RBFOX1: variants seen among roughly 807,000 people sequenced by gnomAD.
RBFOX1 encodes RNA binding protein fox-1 homolog 1.
RBFOX1 carries 8 observed loss-of-function variants against 57.7 expected under a neutral mutation model. The observed-to-expected ratio is 0.14, with a 90% confidence interval of 0.08 to 0.25. RBFOX1 has a LOEUF of 0.25. Among genes scored for constraint, RBFOX1 ranks in the 10% least tolerant of loss-of-function variants. The probability of loss-of-function intolerance (pLI) is 1.00; values close to 1 mark genes in which losing one functional copy is unlikely to be tolerated. For missense variants in RBFOX1, 611 were observed against 548.5 expected (o/e 1.11, Z -1.14); for synonymous variants, 326 against 222.4 (o/e 1.47, Z -4.15).
chr16:5,421,321 T>C (rs1010017653), intron 1 of RBFOX1, among the ~76,000 whole-genome samples: 1 of 152,146 alleles, frequency 6.6e-6, no homozygotes, highest in African/African-American at 2.4e-5. Context: ...TCCACCTTCT[T>C]CTTAAATGAA....
At chr16:7,341,693 ACCTT>A (rs777842492) in intron 4 of RBFOX1, among the ~76,000 whole-genome samples, 41 of 144,702 alleles carry the variant, frequency 2.8e-4, no homozygotes, top group South Asian at 9.3e-4. Context: ...CAATGGTCCT[ACCTT>A]CCTTCCTTCC....
intron 2 of RBFOX1, among the ~76,000 whole-genome samples, chr16:6,567,742 C>T (rs531625256): frequency 6.6e-6 from 1 of 152,170 alleles, no homozygotes; most frequent in East Asian, 1.9e-4. Flanking sequence ...CTCAGGGCCA[C>T]ATTTTTGAGT....
At chr16:5,993,115 C>G (rs1040252677) in intron 4 of RBFOX1, among the ~76,000 whole-genome samples, 1 of 152,106 alleles carries the variant, frequency 6.6e-6, no homozygotes, top group Non-Finnish European at 1.5e-5. Context: ...GAAAGAGATA[C>G]GGAACAAGCC....
At chr16:7,010,028 TTAAGAAAAAAAAAATGCACTCAA>T (rs2093574420) in intron 3 of RBFOX1, among the ~76,000 whole-genome samples, 1 of 135,546 alleles carries the variant, frequency 7.4e-6, no homozygotes, top group Admixed American at 7.2e-5. Flanking sequence ...CAGAGAACTC[TTAAGAAAAAAAAAATGCACTCAA>T]GAGGCCCTGG....
chr16:7,261,846 T>C (rs1487437199), intron 4 of RBFOX1, among the ~76,000 whole-genome samples: 1 of 152,204 alleles, frequency 6.6e-6, no homozygotes, highest in African/African-American at 2.4e-5. Context: ...CCCCAAAGTC[T>C]TGGATTCATT....
In RBFOX1 at chr16:6,882,691, A is replaced by G. The variant is rs542076897; in HGVS notation, c.-15-169366A>G. Among the ~76,000 whole-genome samples the G allele has an allele frequency of 1.6e-4, 25 of 152,278 alleles. 1 individual carries two copies. In the South Asian group the frequency reaches 5.2e-3, roughly 32 times the overall value. On this transcript the variant is annotated intron_variant, in intron 3 of 15. Coordinates refer to ENST00000550418, the MANE Select transcript of RBFOX1 (RefSeq NM_018723.4). ...GTACCCATTGGCTGTATGGATAACA[A>G]CCATTCAGTTTGGGATATTTGGAGT...
chr16:5,612,124 C>G (rs1413305713), intron 3 of RBFOX1, among the ~76,000 whole-genome samples: 1 of 150,066 alleles, frequency 6.7e-6, no homozygotes, highest in Non-Finnish European at 1.5e-5. Flanking sequence ...TTCATCTACT[C>G]TCCCATAATT....
At chr16:6,073,208 G>C (rs1376731) in intron 1 of RBFOX1, among the ~76,000 whole-genome samples, 141,448 of 152,136 alleles carry the variant, frequency 0.93, 65,835 homozygotes, top group African/African-American at 0.97. Context: ...CTACTCCACT[G>C]ACTTCCAGGG....
intron 11 of RBFOX1, among the ~76,000 whole-genome samples, chr16:7,634,062 G>A (rs763158127): frequency 7.2e-5 from 11 of 152,068 alleles, no homozygotes; most frequent in Admixed American, 1.3e-4. Context: ...CAACAGTTTC[G>A]ATTTGCACAG....
In RBFOX1 at chr16:7,437,593, G is replaced by A. The variant is rs749528604; in HGVS notation, c.28-80554G>A. 5.3e-5 allele frequency among the ~76,000 whole-genome samples: 8 copies of A among 152,132 alleles called. 1 individual carries two copies. The highest frequency in any genetic ancestry group is 1.9e-4 in the East Asian group (1 of 5,186). ...TGTATTTGCAATGAAACTGCTCCCCGGCAACATAAAAATGGCTTTTATAAC... is the reference window on the plus strand; with the variant it reads ...TGTATTTGCAATGAAACTGCTCCCCAGCAACATAAAAATGGCTTTTATAAC... On this transcript the variant is annotated intron_variant, in intron 4 of 15. Transcript: ENST00000550418.
At chr16:5,670,944 C>A (rs1356127262) in intron 3 of RBFOX1, among the ~76,000 whole-genome samples, 3 of 152,178 alleles carry the variant, frequency 2.0e-5, no homozygotes, top group African/African-American at 7.2e-5. Flanking sequence ...GCTCAGAGAG[C>A]ACAAGGAAAT....
intron 3 of RBFOX1, among the ~76,000 whole-genome samples, chr16:5,709,361 G>A (rs1213115186): frequency 6.6e-6 from 1 of 152,164 alleles, no homozygotes; most frequent in African/African-American, 2.4e-5. Context: ...CAGTGAGCAT[G>A]TGCCTGAATA....
At chr16:6,000,198 A>C (rs765884557) in intron 4 of RBFOX1, among the ~76,000 whole-genome samples, 1 of 152,168 alleles carries the variant, frequency 6.6e-6, no homozygotes, top group Non-Finnish European at 1.5e-5. Context: ...TTAGGGCAGT[A>C]CCTGGACAAG....
At chr16:6,769,592 G>T (rs556426366) in intron 3 of RBFOX1, among the ~76,000 whole-genome samples, 3 of 152,120 alleles carry the variant, frequency 2.0e-5, no homozygotes, top group African/African-American at 7.2e-5. Flanking sequence ...GCTTCATTGC[G>T]CATAAGCAAG....
intron 1 of RBFOX1, among the ~76,000 whole-genome samples, chr16:5,416,527 T>A (rs1048194103): frequency 6.6e-6 from 1 of 152,218 alleles, no homozygotes; most frequent in Admixed American, 6.5e-5. Context: ...TCCTTCATTT[T>A]AAAAATGTAA....
chr16:7,332,702 T>G, intron 4 of RBFOX1: 6 of 994,848 alleles, frequency 6.0e-6, no homozygotes, highest in Non-Finnish European at 7.8e-6. Flanking sequence ...ACTAAATTAA[T>G]GAAGAGTATT....
intron 4 of RBFOX1, among the ~76,000 whole-genome samples, chr16:7,249,089 G>A (rs899158230): frequency 8.5e-5 from 13 of 152,080 alleles, no homozygotes; most frequent in African/African-American, 2.9e-4. Context: ...TGATAGGAGA[G>A]GGAGGGGAAG....
chr16:6,656,630 A>ACT (rs2098655008), intron 3 of RBFOX1, among the ~76,000 whole-genome samples: 1 of 150,160 alleles, frequency 6.7e-6, no homozygotes, highest in South Asian at 2.1e-4. Flanking sequence ...ACACACACAC[A>ACT]CTTCTAGTTT....
At chr16:5,875,081 A>G (rs2057570240) in intron 4 of RBFOX1, among the ~76,000 whole-genome samples, 1 of 152,362 alleles carries the variant, frequency 6.6e-6, no homozygotes, top group African/African-American at 2.4e-5. Context: ...GCTGACATCC[A>G]AAAGCACTTA....
Sources: allele counts gnomAD v4.1 joint callset (sites outside exome capture counted in the v4.1 genomes callset), GRCh38; gene constraint gnomAD v4.1.1; transcripts MANE v1.5; gene names NCBI Gene and HGNC (gene_info 2026-07-23, HGNC 2026-07-21).